WDPCP: variants seen among roughly 807,000 people sequenced by gnomAD.
WDPCP encodes WD repeat-containing and planar cell polarity effector protein fritz homolog.
WDPCP carries 71 observed loss-of-function variants against 93.1 expected under a neutral mutation model. The observed-to-expected ratio is 0.76, with a 90% CI of 0.63 to 0.93. The LOEUF is 0.93. Among genes scored for constraint, WDPCP ranks in the 40% least tolerant of loss-of-function variants. WDPCP has a pLI of 0.00. For synonymous variants in WDPCP, 315 were observed against 315.0 expected (o/e 1.00, Z 0.00); for missense variants, 844 against 887.4 (o/e 0.95, Z 0.62).
At chr2:63,259,208 G>T in intron 14 of WDPCP, 99 bp downstream of exon 14, 1 of 1,014,298 alleles carries the variant, frequency 9.9e-7, no homozygotes, top group Non-Finnish European at 1.5e-6. Flanking sequence ...TACAAACAAA[G>T]TAATTCAAAT....
chr2:63,282,876 C>A (rs1186987128), intron 13 of WDPCP, among the ~76,000 whole-genome samples: 1 of 152,184 alleles, frequency 6.6e-6, no homozygotes, highest in Non-Finnish European at 1.5e-5. Flanking sequence ...ATAACCTACA[C>A]ACATATTCCC....
In WDPCP at chr2:63,802,958, T is replaced by C. The variant is rs527944941; in HGVS notation, n.308+10664A>G. 4.6e-4 allele frequency among the ~76,000 whole-genome samples: 70 copies of C among 152,284 alleles called. 1 individual carries two copies. Among genetic ancestry groups the C allele is most frequent in the African/African-American group, 1.6e-3 (67 of 41,568 alleles). On this transcript the variant is annotated intron_variant and non_coding_transcript_variant, in intron 2 of 4. Transcript: ENST00000467687. ...CAAGGAGTGAACCCTTTTTACATTG[T>C]AATAACACAAAAAGTTCAAGGTTTT...
chr2:63,620,176 G>A (rs115230919), intron 3 of WDPCP, among the ~76,000 whole-genome samples: 1,558 of 152,164 alleles, frequency 0.01, 15 homozygotes, highest in African/African-American at 0.032. Context: ...TGACAGAAGC[G>A]TTCACCCCCC....
intron 13 of WDPCP, among the ~76,000 whole-genome samples, chr2:63,286,847 A>T (rs762685104): frequency 2.0e-5 from 3 of 152,092 alleles, no homozygotes; most frequent in Non-Finnish European, 4.4e-5. Flanking sequence ...TTTTTTATCA[A>T]GTTTTCTTTG....
At chr2:63,318,531 G>A (rs1191099764) in intron 12 of WDPCP, among the ~76,000 whole-genome samples, 3 of 152,130 alleles carry the variant, frequency 2.0e-5, no homozygotes, top group African/African-American at 7.2e-5. Context: ...CTCATCAGTG[G>A]TTGACAGGAT....
At chr2:63,172,857 G>C (rs1673500574) in intron 15 of WDPCP, among the ~76,000 whole-genome samples, 1 of 152,100 alleles carries the variant, frequency 6.6e-6, no homozygotes, top group African/African-American at 2.4e-5. Context: ...TCAGGGAAAA[G>C]GCAGAAAGAG....
intron 14 of WDPCP, among the ~76,000 whole-genome samples, chr2:63,258,805 C>A (rs1381733724): frequency 6.6e-6 from 1 of 151,980 alleles, no homozygotes; most frequent in Non-Finnish European, 1.5e-5. Context: ...CTTTCAAATT[C>A]ATTCTAAGGC....
chr2:63,337,691 C>T (rs549491572), intron 12 of WDPCP, among the ~76,000 whole-genome samples: 4 of 152,228 alleles, frequency 2.6e-5, no homozygotes, highest in South Asian at 4.1e-4. Flanking sequence ...GGATACAAGT[C>T]GTTTTAACTG....
chr2:63,712,410 C>T (rs901641694), intron 2 of WDPCP, among the ~76,000 whole-genome samples: 3 of 152,138 alleles, frequency 2.0e-5, no homozygotes, highest in Non-Finnish European at 4.4e-5. Flanking sequence ...TACTGAAAGA[C>T]GAATATCAAC....
chr2:63,257,688 A>T (rs1421912636), intron 14 of WDPCP, among the ~76,000 whole-genome samples: 1 of 152,202 alleles, frequency 6.6e-6, no homozygotes, highest in African/African-American at 2.4e-5. Flanking sequence ...GCTAGGAATT[A>T]TCCGCTGGCC....
At chr2:63,836,610 GTTTA>G in the WDPCP span, among the ~76,000 whole-genome samples, 1 of 152,098 alleles carries the variant, frequency 6.6e-6, no homozygotes, top group African/African-American at 2.4e-5. Flanking sequence ...AATATAGGGA[GTTTA>G]TTTATGTTTT....
At chr2:63,193,954 C>A (rs1290753057) in intron 14 of WDPCP, among the ~76,000 whole-genome samples, 1 of 152,110 alleles carries the variant, frequency 6.6e-6, no homozygotes, top group Non-Finnish European at 1.5e-5. Context: ...TATTTAATGA[C>A]TTCTACTTAC....
At chr2:63,805,269 T>A (rs1000244637) in intron 2 of WDPCP, among the ~76,000 whole-genome samples, 5 of 152,150 alleles carry the variant, frequency 3.3e-5, no homozygotes, top group African/African-American at 1.2e-4. Context: ...ACCCACTTAA[T>A]CTCATTTAAG....
intron 15 of WDPCP, among the ~76,000 whole-genome samples, chr2:63,155,553 C>T (rs1048457834): frequency 4.2e-5 from 6 of 144,040 alleles, no homozygotes; most frequent in African/African-American, 1.5e-4. Flanking sequence ...GATGGCAAAC[C>T]ACAGTCCCTA....
chr2:63,732,960 G>A (rs1006739162), intron 2 of WDPCP, among the ~76,000 whole-genome samples: 1 of 152,040 alleles, frequency 6.6e-6, no homozygotes, highest in African/African-American at 2.4e-5. Context: ...TGGAGAACTG[G>A]GCAAAATGTA....
intron 15 of WDPCP, among the ~76,000 whole-genome samples, chr2:63,163,328 T>C (rs529074939): frequency 6.6e-6 from 1 of 152,334 alleles, no homozygotes; most frequent in African/African-American, 2.4e-5. Flanking sequence ...TAAGATTGTT[T>C]ATCTTCTTTG....
At chr2:63,235,354 A>G (rs997102173) in intron 14 of WDPCP, among the ~76,000 whole-genome samples, 1 of 152,186 alleles carries the variant, frequency 6.6e-6, no homozygotes, top group African/African-American at 2.4e-5. Flanking sequence ...AATCAGTAAT[A>G]AAAAGGCTAC....
chr2:63,339,659 T>C (rs1297206099), intron 12 of WDPCP, among the ~76,000 whole-genome samples: 1 of 152,170 alleles, frequency 6.6e-6, no homozygotes, highest in Non-Finnish European at 1.5e-5. Flanking sequence ...ACTTCTCCTT[T>C]TCCAGTTTGG....
Position 63,561,245 on chromosome 2 carries a change from G to A in WDPCP, c.75+26952C>T, listed in dbSNP as rs553994188. Among the ~76,000 whole-genome samples the A allele has an allele frequency of 7.9e-5, 12 of 152,280 alleles. No individual in the cohort carries two copies. The East Asian group carries it at 1.9e-3, about 24-fold the overall frequency. On this transcript the variant is annotated intron_variant, in intron 1 of 17. Coordinates refer to ENST00000272321, the MANE Select transcript of WDPCP (RefSeq NM_015910.7). ...TCTAATCCCAGCACTTTGGGAGGCC[G>A]AGGTAGGCGGATCATGAGGTCAGGA...
Sources: allele counts gnomAD v4.1 joint callset (sites outside exome capture counted in the v4.1 genomes callset), GRCh38; gene constraint gnomAD v4.1.1; transcripts MANE v1.5; gene names NCBI Gene and HGNC (gene_info 2026-07-23, HGNC 2026-07-21).